The following RDH12 variants were observed in gnomAD, a reference collection of about 807,000 sequenced individuals.
The protein encoded by RDH12 is retinol dehydrogenase 12.
In RDH12, 21 loss-of-function variants were observed where a neutral mutation model predicts 34.0. The ratio of observed to expected loss-of-function variants is 0.62; its 90% CI spans 0.44 to 0.89. The LOEUF is 0.89. Ranked by LOEUF, RDH12 falls within the 40% of genes least tolerant of loss-of-function variation. The pLI is 0.00. For synonymous variants in RDH12, 198 were observed against 169.9 expected (o/e 1.17, Z -1.29); for missense variants, 394 against 398.6 (o/e 0.99, Z 0.10).
At position 67,734,205 on chromosome 14, in the gene RDH12, A is replaced by ATAG; in HGVS notation, c.*357_*358insTAG. On this transcript the variant is annotated 3_prime_UTR_variant, in exon 9 of 9. Coordinates refer to ENST00000551171, the MANE Select transcript of RDH12 (RefSeq NM_152443.3). ...CCAGAGGCTCAGCTGAGGCAAGAAG[A>ATAG]GCACCATCACTGCCTATTTCTAGGG... The ATAG allele has an allele frequency of 3.5e-6, 1 of 289,564 alleles. No homozygotes were observed. The highest frequency in any genetic ancestry group is 6.9e-6 in the Non-Finnish European group (1 of 145,868). 17.9% of individuals were successfully genotyped at this position (289,564 alleles called of 1,614,324 possible).
At chr14:67,733,252 G>T (rs2140161581) in intron 8 of RDH12, among the ~76,000 whole-genome samples, 1 of 152,256 alleles carries the variant, frequency 6.6e-6, no homozygotes, top group South Asian at 2.1e-4. Context: ...TGGGGTTCAT[G>T]GTATGCAAGT....
chr14:67,722,190 C>T (rs989412075), intron 2 of RDH12, among the ~76,000 whole-genome samples: 1 of 152,140 alleles, frequency 6.6e-6, no homozygotes, highest in Non-Finnish European at 1.5e-5. Context: ...CCTTCCCATC[C>T]TATTTTAATC....
At chr14:67,722,741 G>A (rs369148234) in intron 3 of RDH12, 31 bp downstream of exon 3, 144 of 1,571,572 alleles carry the variant, frequency 9.2e-5, no homozygotes, top group Non-Finnish European at 1.1e-4. Flanking sequence ...TCAAACAATC[G>A]TTTACAAAGA....
intron 1 of RDH12, among the ~76,000 whole-genome samples, chr14:67,704,049 C>G (rs772016465): frequency 9.2e-5 from 14 of 152,120 alleles, no homozygotes; most frequent in Non-Finnish European, 2.1e-4. Context: ...CTGTTGGATT[C>G]GTATTTTTAT....
At chr14:67,712,276 T>G (rs937146588) in intron 1 of RDH12, among the ~76,000 whole-genome samples, 2 of 152,014 alleles carry the variant, frequency 1.3e-5, no homozygotes, top group African/African-American at 2.4e-5. Flanking sequence ...CCACACTGAA[T>G]CCTGGGTCTC....
chr14:67,711,030 C>A (rs540286873), intron 1 of RDH12, among the ~76,000 whole-genome samples: 97 of 152,260 alleles, frequency 6.4e-4, no homozygotes, highest in African/African-American at 2.3e-3. Context: ...TCAAACTGTC[C>A]TTGTTCATTC....
At position 67,729,337 on chromosome 14, in the gene RDH12, G is replaced by A. The variant is rs767385752; in HGVS notation, c.805G>A (p.Ala269Thr). 12 of 1,598,458 alleles carry A rather than the reference G, an allele frequency of 7.5e-6. No homozygotes were observed. The highest frequency in any genetic ancestry group is 1.0e-5 in the Non-Finnish European group (12 of 1,179,292). Residue 269 changes from alanine to threonine, a missense_variant, in exon 8 of 9, where the codon GCC (alanine) becomes ACC (threonine). Physicochemically the swap from Ala to Thr is moderately conservative, Grantham distance 58. Coordinates refer to ENST00000551171, the MANE Select transcript of RDH12 (RefSeq NM_152443.3). ...GGGGGCGCAGACCAGCCTGCACTGCGCCCTGGCTGAGGGCCTGGAGCCCCT... is the reference window on the plus strand; with the variant it reads ...GGGGGCGCAGACCAGCCTGCACTGCACCCTGGCTGAGGGCCTGGAGCCCCT... ...REGAQTSLHC[A>T]LAEGLEPLSG...
At chr14:67,703,694 G>A (rs1443090555) in intron 1 of RDH12, among the ~76,000 whole-genome samples, 1 of 151,902 alleles carries the variant, frequency 6.6e-6, no homozygotes, top group African/African-American at 2.4e-5. Flanking sequence ...TTATTTTTCC[G>A]AGACAGAGTT....
At chr14:67,729,069 T>C (rs2038229428) in intron 7 of RDH12, 122 bp from the exon 8 acceptor site, 1 of 1,009,784 alleles carries the variant, frequency 9.9e-7, no homozygotes, top group Non-Finnish European at 1.6e-6. Flanking sequence ...TGGTACCTGC[T>C]GAATCCTGGG....
intron 5 of RDH12, 75 bp from the exon 6 acceptor site, chr14:67,725,976 C>A (rs2038179503): frequency 3.1e-6 from 3 of 969,842 alleles, no homozygotes; most frequent in Non-Finnish European, 1.7e-6. Flanking sequence ...AGGGAAAGGG[C>A]AATTATGCAG....
In RDH12 at chr14:67,727,189, A is replaced by G. The variant is rs1467262569; in HGVS notation, c.657A>G (p.Gln219=). The change falls in exon 7 of 9, where the codon CAA becomes CAG. Residue 219 remains glutamine, a splice_region_variant and synonymous_variant. Transcript: ENST00000551171. ...CTCGTGAGCTGGCCAAGAGGCTCCA[A>G]GGTAAGTCTGGAGAAAGAGGAATAG... The part of the protein sequence containing the change: ...LFTRELAKRL[Q]GTGVTTYAVH... The G allele has an allele frequency of 2.5e-6, 4 of 1,611,196 alleles. No homozygotes were observed. In the Admixed American group the frequency reaches 6.7e-5, roughly 27 times the overall value.
chr14:67,729,710 G>C lies in RDH12; in HGVS notation c.848+330G>C, dbSNP rs775327581. 24 of 538,446 alleles carry C rather than the reference G, an allele frequency of 4.5e-5. No homozygotes were observed. The East Asian group carries it at 1.0e-3, about 23-fold the overall frequency. The allele number at this position is 538,446 out of a possible 1,614,324, so 33.4% of individuals were successfully genotyped here. A position where few individuals can be genotyped will look rare whatever the true frequency, so the allele number is the denominator to read the frequency against. On this transcript the variant is annotated intron_variant, in intron 8 of 8. Coordinates refer to ENST00000551171, the MANE Select transcript of RDH12 (RefSeq NM_152443.3). ...GTTTTTCTCCTTCTTTAAGCTTTTGGCTCACTTGATTCATGAATTTTTAAA... is the reference window on the plus strand; with the variant it reads ...GTTTTTCTCCTTCTTTAAGCTTTTGCCTCACTTGATTCATGAATTTTTAAA...
chr14:67,723,390 C>T (rs2038147738), intron 3 of RDH12, among the ~76,000 whole-genome samples: 1 of 152,174 alleles, frequency 6.6e-6, no homozygotes, highest in Admixed American at 6.5e-5. Flanking sequence ...GGTGCCACTA[C>T]ACCCAGCTAC....
chr14:67,716,011 T>A (rs2038065707), intron 1 of RDH12, among the ~76,000 whole-genome samples: 1 of 151,872 alleles, frequency 6.6e-6, no homozygotes, highest in Non-Finnish European at 1.5e-5. Context: ...CTGGCTAACA[T>A]GGTGAAACCC....
chr14:67,714,742 T>C (rs1243168897), intron 1 of RDH12: 1 of 152,142 alleles, frequency 6.6e-6, no homozygotes, highest in Non-Finnish European at 1.5e-5. Context: ...GGGATATAAG[T>C]TGAAAAGAGA....
At chr14:67,726,593 T>G (rs1375563817) in intron 6 of RDH12, among the ~76,000 whole-genome samples, 1 of 152,066 alleles carries the variant, frequency 6.6e-6, no homozygotes, top group Non-Finnish European at 1.5e-5. Flanking sequence ...GCAAAGACTT[T>G]AGGGAGGAGA....
rs3039650 is a variant in RDH12 at position 67,721,738 on chromosome 14, GATAT to G, written c.-219-663_-219-660del. Among the ~76,000 whole-genome samples, 1,246 of 146,972 alleles carry G rather than the reference GATAT, an allele frequency of 8.5e-3. 7 individuals carry two copies. The highest frequency in any genetic ancestry group is 0.022 in the East Asian group (109 of 5,040). On this transcript the variant is annotated intron_variant, in intron 2 of 8. Transcript: ENST00000551171. ...TAATTGAACACTTAGAACAAGTGGG[GATAT>G]ATATATATATATATATATATATGTA...
rs543803002 is a variant in RDH12 at position 67,726,845 on chromosome 14, A to T, written c.449-136A>T. The T allele has an allele frequency of 1.9e-4, 140 of 747,370 alleles. No homozygotes were observed. The African/African-American group carries it at 2.2e-3, about 12-fold the overall frequency. 46.3% of individuals were successfully genotyped at this position (747,370 alleles called of 1,614,324 possible). ...TCCACAAACTCAGACCAAACTGACC[A>T]TTAGAGTTACTCATGGCATCAAAAT... is the stretch of plus-strand genomic sequence containing the variant. On this transcript the variant is annotated intron_variant, in intron 6 of 8. Transcript: ENST00000551171.
At chr14:67,731,207 C>CTTTTTT (rs71129853) in intron 8 of RDH12, among the ~76,000 whole-genome samples, 21 of 90,584 alleles carry the variant, frequency 2.3e-4, no homozygotes, top group African/African-American at 3.9e-4. Context: ...TTCTTTCTTT[C>CTTTTTT]TTTTTTTTTT....
Sources: allele counts gnomAD v4.1 joint callset (sites outside exome capture counted in the v4.1 genomes callset), GRCh38; gene constraint gnomAD v4.1.1; transcripts MANE v1.5; gene names NCBI Gene and HGNC (gene_info 2026-07-23, HGNC 2026-07-21).